Variants in FBXL17 observed in about 807,000 individuals in gnomAD.
FBXL17 encodes F-box/LRR-repeat protein 17.
A neutral mutation model predicts 66.2 loss-of-function variants in FBXL17; 22 were observed. The ratio of observed to expected loss-of-function variants is 0.33; its 90% CI spans 0.24 to 0.47. FBXL17 has a LOEUF of 0.47. FBXL17 is among the 20% of genes least tolerant of loss of function. FBXL17 has a pLI of 1.00. For missense variants in FBXL17, 878 were observed against 948.2 expected, an observed-to-expected ratio of 0.93 and a Z score of 0.97; for synonymous variants, 474 against 400.5, an observed-to-expected ratio of 1.18 and a Z score of -2.19.
chr5:107,895,933 G>GC (rs2112524354), intron 7 of FBXL17, among the ~76,000 whole-genome samples: 1 of 152,088 alleles, frequency 6.6e-6, no homozygotes, highest in East Asian at 1.9e-4. Flanking sequence ...ATCCTCTTTT[G>GC]CCCCCTTCAC....
At chr5:107,877,819 A>T (rs1748657695) in intron 8 of FBXL17, among the ~76,000 whole-genome samples, 1 of 152,064 alleles carries the variant, frequency 6.6e-6, no homozygotes, top group South Asian at 2.1e-4. Flanking sequence ...AGGTAGGGAG[A>T]AAAGTGACAG....
chr5:108,223,299 G>C (rs752487516), intron 5 of FBXL17, among the ~76,000 whole-genome samples: 1 of 151,976 alleles, frequency 6.6e-6, no homozygotes, highest in African/African-American at 2.4e-5. Flanking sequence ...ATCTTACCTG[G>C]TTTTTTTCAT....
intron 4 of FBXL17, among the ~76,000 whole-genome samples, chr5:108,278,174 T>G (rs962415641): frequency 6.6e-6 from 1 of 152,116 alleles, no homozygotes; most frequent in Non-Finnish European, 1.5e-5. Flanking sequence ...AATTATACAA[T>G]CCGGGCCACC....
At chr5:107,945,465 C>A (rs558433673) in intron 7 of FBXL17, among the ~76,000 whole-genome samples, 1 of 152,080 alleles carries the variant, frequency 6.6e-6, no homozygotes, top group Non-Finnish European at 1.5e-5. Context: ...AACCTAAATG[C>A]CCATCAATGT....
intron 8 of FBXL17, among the ~76,000 whole-genome samples, chr5:107,877,454 C>T (rs1372127948): frequency 6.6e-6 from 1 of 152,110 alleles, no homozygotes; most frequent in African/African-American, 2.4e-5. Context: ...AAATACAATG[C>T]ATTTTGTTAT....
intron 5 of FBXL17, among the ~76,000 whole-genome samples, chr5:108,216,161 T>C (rs927812160): frequency 6.6e-6 from 1 of 152,156 alleles, no homozygotes; most frequent in East Asian, 1.9e-4. Context: ...TTTTTTGAGA[T>C]AGTTACGGCT....
intron 4 of FBXL17, among the ~76,000 whole-genome samples, chr5:108,238,016 T>C (rs572092249): frequency 6.6e-6 from 1 of 152,378 alleles, no homozygotes; most frequent in African/African-American, 2.4e-5. Flanking sequence ...TTATCTTTTA[T>C]CTTTACCTTC....
intron 4 of FBXL17, among the ~76,000 whole-genome samples, chr5:108,244,566 TTCTC>T (rs1475044790): frequency 6.6e-6 from 1 of 152,178 alleles, no homozygotes; most frequent in African/African-American, 2.4e-5. Context: ...AACACTTCCT[TTCTC>T]TATCTACATG....
At chr5:108,264,125 G>A (rs1756948319) in intron 4 of FBXL17, among the ~76,000 whole-genome samples, 2 of 136,798 alleles carry the variant, frequency 1.5e-5, no homozygotes, top group East Asian at 2.3e-4. Flanking sequence ...TGGGGGAGGA[G>A]AACTGCTGGA....
intron 7 of FBXL17, among the ~76,000 whole-genome samples, chr5:107,995,318 G>T (rs1194809874): frequency 6.6e-6 from 1 of 152,124 alleles, no homozygotes; most frequent in South Asian, 2.1e-4. Flanking sequence ...TATTTAACCT[G>T]ATTTATTTAA....
intron 6 of FBXL17, among the ~76,000 whole-genome samples, chr5:108,178,436 T>G (rs766348978): frequency 1.3e-5 from 2 of 152,104 alleles, no homozygotes; most frequent in Non-Finnish European, 2.9e-5. Context: ...CACATAATTG[T>G]GAATATGTGA....
chr5:108,258,255 A>G (rs1237049073), intron 4 of FBXL17, among the ~76,000 whole-genome samples: 1 of 152,188 alleles, frequency 6.6e-6, no homozygotes, highest in Non-Finnish European at 1.5e-5. Flanking sequence ...TCTGAAAGCC[A>G]GAAGAGTGCC....
chr5:108,140,202 C>T (rs956515839), intron 6 of FBXL17, among the ~76,000 whole-genome samples: 1 of 152,102 alleles, frequency 6.6e-6, no homozygotes, highest in African/African-American at 2.4e-5. Context: ...CATGTCACCA[C>T]ATCAAGCTAA....
intron 6 of FBXL17, among the ~76,000 whole-genome samples, chr5:108,144,985 A>G (rs1165834324): frequency 1.3e-5 from 2 of 152,162 alleles, no homozygotes; most frequent in Non-Finnish European, 2.9e-5. Context: ...TTTTAAACAC[A>G]TTGTTTTAGG....
intron 1 of FBXL17, among the ~76,000 whole-genome samples, chr5:108,378,814 G>A (rs191171907): frequency 6.6e-5 from 10 of 152,352 alleles, no homozygotes; most frequent in Non-Finnish European, 1.2e-4. Flanking sequence ...CAATGAACAA[G>A]ATTACGAATC....
At chr5:108,097,235 C>G (rs1480523184) in intron 6 of FBXL17, among the ~76,000 whole-genome samples, 1 of 152,122 alleles carries the variant, frequency 6.6e-6, no homozygotes, top group African/African-American at 2.4e-5. Flanking sequence ...TTCACCCTCC[C>G]CACGATTGTA....
At chr5:108,000,008 C>A (rs995580259) in intron 7 of FBXL17, among the ~76,000 whole-genome samples, 2 of 152,122 alleles carry the variant, frequency 1.3e-5, no homozygotes, top group Non-Finnish European at 2.9e-5. Context: ...GTCAGGATAT[C>A]CTGGGAATAG....
chr5:107,898,775 C>G (rs949526523), intron 7 of FBXL17, among the ~76,000 whole-genome samples: 3 of 152,160 alleles, frequency 2.0e-5, no homozygotes. Context: ...CAACTTCATC[C>G]ATGTCCCTGC....
At chr5:108,300,993 T>C (rs560446790) in intron 4 of FBXL17, among the ~76,000 whole-genome samples, 4 of 151,966 alleles carry the variant, frequency 2.6e-5, no homozygotes, top group African/African-American at 9.6e-5. Context: ...AAATATAGTA[T>C]ACATATACAT....
Sources: gnomAD v4.1 joint callset for allele counts (sites outside exome capture counted in the v4.1 genomes callset) on GRCh38, gnomAD v4.1.1 for gene constraint, MANE v1.5 for transcripts, NCBI Gene and HGNC (gene_info 2026-07-23, HGNC 2026-07-21) for gene names.